The following ZSCAN5A variants were observed in gnomAD, a reference collection of about 807,000 sequenced individuals.
The protein encoded by ZSCAN5A is zinc finger and SCAN domain containing 5A, also known as zinc finger and SCAN domain-containing protein 5A.
In ZSCAN5A, 12 loss-of-function variants were observed where a neutral mutation model predicts 23.7. The ratio of observed to expected loss-of-function variants is 0.51; its 90% confidence interval spans 0.32 to 0.82. The LOEUF is 0.82. Among genes scored for constraint, ZSCAN5A ranks in the 40% least tolerant of loss-of-function variants. ZSCAN5A has a pLI of 0.03. For synonymous variants in ZSCAN5A, 257 were observed against 239.9 expected (o/e 1.07, Z -0.66); for missense variants, 597 against 617.9 (o/e 0.97, Z 0.36).
intron 2 of ZSCAN5A, among the ~76,000 whole-genome samples, chr19:56,245,935 C>T (rs1221482716): frequency 2.6e-5 from 4 of 152,022 alleles, no homozygotes; most frequent in South Asian, 2.1e-4. Flanking sequence ...TGCACAGGAG[C>T]GCCCCCTCCA....
At position 56,223,626 on chromosome 19, in the gene ZSCAN5A, C is replaced by T. The variant is rs1267166140; in HGVS notation, c.588+5G>A. 2 of 1,613,488 alleles carry T rather than the reference C, an allele frequency of 1.2e-6. No individual in the cohort carries two copies. Among genetic ancestry groups the T allele is most frequent in the East Asian group, 4.5e-5 (2 of 44,840 alleles). ...TGCCCAGACACCAAGGCCTCACACACTCACCTGCCTCCTGGACAATGCAGG... is the reference window on the plus strand; with the variant it reads ...TGCCCAGACACCAAGGCCTCACACATTCACCTGCCTCCTGGACAATGCAGG... On this transcript the variant is annotated splice_donor_5th_base_variant and intron_variant, in intron 4 of 5. Coordinates refer to ENST00000683990, the MANE Select transcript of ZSCAN5A (RefSeq NM_001322064.3).
chr19:56,223,654 C>A lies in ZSCAN5A; in HGVS notation c.565G>T (p.Val189Phe). 1 of 1,613,916 alleles carries A rather than the reference C, an allele frequency of 6.2e-7. No homozygotes were observed. The highest frequency in any genetic ancestry group is 8.5e-7 in the Non-Finnish European group (1 of 1,180,018). The change falls in exon 4 of 6, where the codon GTC (valine) becomes TTC (phenylalanine). Residue 189 changes from valine to phenylalanine, a missense_variant. By Grantham distance (50) the Val-to-Phe change is conservative. Coordinates refer to ENST00000683990, the MANE Select transcript of ZSCAN5A (RefSeq NM_001322064.3). ...AHRELQILPR[V>F]PALSRRQGED... Reference sequence around the variant, plus strand: ...ACCTGCCTCCTGGACAATGCAGGGACCCTGGGCAGGATCTGCAGCTCTCGG... The same window carrying A: ...ACCTGCCTCCTGGACAATGCAGGGAACCTGGGCAGGATCTGCAGCTCTCGG...
intron 2 of ZSCAN5A, chr19:56,263,217 C>G (rs78719584): frequency 6.6e-6 from 1 of 152,192 alleles, no homozygotes; most frequent in Non-Finnish European, 1.5e-5. Context: ...GTGGTGATAT[C>G]TAAGGTTCTT....
intron 2 of ZSCAN5A, among the ~76,000 whole-genome samples, chr19:56,259,923 GT>G (rs2036995094): frequency 6.6e-6 from 1 of 152,252 alleles, no homozygotes; most frequent in Admixed American, 6.5e-5. Context: ...CAAATGAGCT[GT>G]GATCGTGCCC....
At chr19:56,307,855 T>C (rs752274620) in intron 2 of ZSCAN5A, among the ~76,000 whole-genome samples, 2 of 152,258 alleles carry the variant, frequency 1.3e-5, no homozygotes, top group Non-Finnish European at 2.9e-5. Context: ...AGCAAACCTT[T>C]GTGGAATTCC....
rs1362531231 is a variant in ZSCAN5A, at chr19:56,321,708, C to T, written c.-357-5440G>A. 6 of 1,411,486 alleles carry T rather than the reference C, an allele frequency of 4.3e-6. No homozygotes were observed. In the African/African-American group the frequency reaches 7.1e-5, roughly 17 times the overall value. The allele number at this position is 1,411,486 out of a possible 1,614,324, so 87.4% of individuals were successfully genotyped here. ...TCCTTCTGGAGCATTGGGAAATGTT[C>T]AAGGGCTCTTGATTTGCTGAGGACA... On this transcript the variant is annotated intron_variant, in intron 2 of 6. Coordinates refer to the ZSCAN5A transcript ENST00000587340.
At chr19:56,229,893 T>C (rs1022044155) in intron 2 of ZSCAN5A, among the ~76,000 whole-genome samples, 4 of 152,278 alleles carry the variant, frequency 2.6e-5, no homozygotes, top group African/African-American at 9.6e-5. Flanking sequence ...CACTAGCTTG[T>C]TGGTGTATAA....
At chr19:56,315,756 C>T (rs2041298049), upstream of ZSCAN5A, 1 of 152,176 alleles carries the variant, frequency 6.6e-6, no homozygotes, top group Non-Finnish European at 1.5e-5. Context: ...AAGAGACACA[C>T]TCTGTGTCTC....
In ZSCAN5A at chr19:56,221,657, C is replaced by A; in HGVS notation, c.1409G>T (p.Cys470Phe). The change falls in exon 6 of 6, where the codon TGT (cysteine) becomes TTT (phenylalanine). Residue 470 changes from cysteine (C) to phenylalanine (F), a missense_variant. Around this residue, in one of 5 missense-constraint regions of ZSCAN5A, gnomAD observed 87 missense variants for 74.4 expected, o/e 1.17. Transcript: ENST00000683990. ...RIHSGEKPYK[C>F]SKCPRAFSRL... ...ACTGAAGGCTCTTGGACACTTGGAA[C>A]ATTTGTAGGGTTTCTCTCCGGAGTG... 1 of 1,614,124 alleles carries A rather than the reference C, an allele frequency of 6.2e-7. No individual in the cohort carries two copies. The highest frequency in any genetic ancestry group is 8.5e-7 in the Non-Finnish European group (1 of 1,179,996).
At chr19:56,263,703 G>C (rs1414258422) in intron 2 of ZSCAN5A, 1 of 152,168 alleles carries the variant, frequency 6.6e-6, no homozygotes, top group Non-Finnish European at 1.5e-5. Flanking sequence ...GGAGGCGAGA[G>C]AGGAGAGAAT....
At chr19:56,227,516 G>C (rs1481430510) in intron 2 of ZSCAN5A, among the ~76,000 whole-genome samples, 1 of 152,052 alleles carries the variant, frequency 6.6e-6, no homozygotes, top group Non-Finnish European at 1.5e-5. Flanking sequence ...AAAGAAAGTG[G>C]TTTCATGTTC....
At chr19:56,232,112 C>A (rs193158966) in intron 2 of ZSCAN5A, among the ~76,000 whole-genome samples, 1 of 151,492 alleles carries the variant, frequency 6.6e-6, no homozygotes, top group Non-Finnish European at 1.5e-5. Context: ...CTCAGCCCCC[C>A]CAGGTGGCTG....
At chr19:56,328,359 T>C (rs114408496) in intron 2 of ZSCAN5A, among the ~76,000 whole-genome samples, 11,615 of 152,180 alleles carry the variant, frequency 0.076, 502 homozygotes, top group South Asian at 0.16. Flanking sequence ...AAAAAACATA[T>C]TTGTGGCCAG....
intron 2 of ZSCAN5A, among the ~76,000 whole-genome samples, chr19:56,248,814 G>A (rs908710623): frequency 3.9e-5 from 6 of 152,066 alleles, no homozygotes; most frequent in South Asian, 4.1e-4. Flanking sequence ...CTCCCCACAC[G>A]GCACAGCCTC....
At chr19:56,300,720 C>T (rs897759600) in intron 2 of ZSCAN5A, among the ~76,000 whole-genome samples, 4 of 151,572 alleles carry the variant, frequency 2.6e-5, no homozygotes, top group African/African-American at 7.3e-5. Flanking sequence ...CATTTTTTTT[C>T]GTTTTCGATT....
At chr19:56,328,161 G>C (rs1290288360) in intron 2 of ZSCAN5A, among the ~76,000 whole-genome samples, 2 of 151,986 alleles carry the variant, frequency 1.3e-5, no homozygotes, top group Non-Finnish European at 2.9e-5. Flanking sequence ...AGGTGGATGG[G>C]GATGTTTTTG....
chr19:56,304,940 T>C (rs1481202071), intron 2 of ZSCAN5A: 3 of 290,440 alleles, frequency 1.0e-5, no homozygotes, highest in Non-Finnish European at 1.0e-5. Flanking sequence ...ATTTGGAAGC[T>C]GCAATCATAG....
At chr19:56,348,520 T>TA (rs1169201990) in intron 2 of ZSCAN5A, among the ~76,000 whole-genome samples, 1 of 152,164 alleles carries the variant, frequency 6.6e-6, no homozygotes, top group East Asian at 1.9e-4. Flanking sequence ...GGATAAGCAG[T>TA]AGTCACTCTC....
intron 2 of ZSCAN5A, among the ~76,000 whole-genome samples, chr19:56,261,090 C>T (rs1157934137): frequency 6.6e-6 from 1 of 152,050 alleles, no homozygotes; most frequent in Non-Finnish European, 1.5e-5. Flanking sequence ...CACCTGTAAT[C>T]CCAGCTACTT....
Sources: allele counts gnomAD v4.1 joint callset (sites outside exome capture counted in the v4.1 genomes callset), GRCh38; gene constraint gnomAD v4.1.1; regional missense constraint gnomAD v4.1.1; transcripts MANE v1.5; gene names NCBI Gene and HGNC (gene_info 2026-07-23, HGNC 2026-07-21).